Variants in HSPB8 observed in about 807,000 individuals in gnomAD.
The protein encoded by HSPB8 is heat shock protein beta-8.
Under a neutral mutation model 16.5 loss-of-function variants are expected in HSPB8, and 9 were observed. That is an observed-to-expected ratio of 0.55 (90% CI 0.33 to 0.95). The LOEUF (loss-of-function observed/expected upper bound fraction) is 0.95, where lower values mean the gene tolerates loss of function less well. HSPB8 is among the 40% of genes least tolerant of loss of function. The probability of loss-of-function intolerance (pLI) is 0.03; values close to 1 mark genes in which losing one functional copy is unlikely to be tolerated. For missense variants in HSPB8, 238 were observed against 251.2 expected, an observed-to-expected ratio of 0.95 and a Z score of 0.35; for synonymous variants, 99 against 94.8, an observed-to-expected ratio of 1.04 and a Z score of -0.26.
At chr12:119,183,517 A>G (rs1184883037) in intron 1 of HSPB8, among the ~76,000 whole-genome samples, 1 of 152,234 alleles carries the variant, frequency 6.6e-6, no homozygotes, top group Non-Finnish European at 1.5e-5. Flanking sequence ...GGCATGTTGA[A>G]AAAAGCATGT....
chr12:119,190,858 T>C (rs1954708160), intron 2 of HSPB8, among the ~76,000 whole-genome samples: 1 of 152,214 alleles, frequency 6.6e-6, no homozygotes, highest in Non-Finnish European at 1.5e-5. Flanking sequence ...GTTAAAGGCA[T>C]GTTAGTACTT....
chr12:119,192,138 C>A (rs1954716331), intron 2 of HSPB8, among the ~76,000 whole-genome samples: 1 of 152,214 alleles, frequency 6.6e-6, no homozygotes, highest in Non-Finnish European at 1.5e-5. Flanking sequence ...TCAATAGTCT[C>A]ATTCACCCAA....
In HSPB8 at chr12:119,194,562, T is replaced by G. The variant is rs1954733296; in HGVS notation, c.*704T>G. 6.2e-6 allele frequency: 1 copy of G among 161,938 alleles called. No individual in the cohort carries two copies. Among genetic ancestry groups the G allele is most frequent in the Non-Finnish European group, 1.3e-5 (1 of 75,428 alleles). The allele number at this position is 161,938 out of a possible 1,614,324, so 10.0% of individuals were successfully genotyped here. ...AAGTCGGGATTTTTACAGAGGGAGC[T>G]GTCTCCAGACAGCTCCATCAGGAAC... On this transcript the variant is annotated 3_prime_UTR_variant, in exon 3 of 3. Transcript: ENST00000281938.
At chr12:119,186,345 G>A (rs902230488) in intron 1 of HSPB8, among the ~76,000 whole-genome samples, 1 of 152,164 alleles carries the variant, frequency 6.6e-6, no homozygotes, top group East Asian at 1.9e-4. Flanking sequence ...TACAGATAAT[G>A]TGGCTTAAAG....
At chr12:119,191,804 A>G (rs1294700368) in intron 2 of HSPB8, among the ~76,000 whole-genome samples, 2 of 152,138 alleles carry the variant, frequency 1.3e-5, no homozygotes, top group African/African-American at 4.8e-5. Context: ...GGGAGGCAGG[A>G]GAGCATCATG....
At chr12:119,188,210 C>T (rs1010308324) in intron 2 of HSPB8, among the ~76,000 whole-genome samples, 1 of 150,136 alleles carries the variant, frequency 6.7e-6, no homozygotes, top group Non-Finnish European at 1.5e-5. Flanking sequence ...CCACTATGTG[C>T]GTTTCTGGCC....
chr12:119,193,878 C>T lies in HSPB8; in HGVS notation c.*20C>T, dbSNP rs757053117. Reference sequence around the variant, plus strand: ...ACCTGAGATGCCAGTACTGGCCCATCCTTGTTTTGTCCCCAACCCTAGGGC... The same window carrying T: ...ACCTGAGATGCCAGTACTGGCCCATTCTTGTTTTGTCCCCAACCCTAGGGC... On this transcript the variant is annotated 3_prime_UTR_variant, in exon 3 of 3. Transcript: ENST00000281938. 2.4e-5 allele frequency: 38 copies of T among 1,613,548 alleles called. No homozygotes were observed. The highest frequency in any genetic ancestry group is 3.2e-5 in the Non-Finnish European group (38 of 1,179,606).
At chr12:119,186,649 C>T (rs956029313) in intron 1 of HSPB8, among the ~76,000 whole-genome samples, 2 of 152,180 alleles carry the variant, frequency 1.3e-5, no homozygotes, top group Admixed American at 6.5e-5. Flanking sequence ...ATGTCAGACC[C>T]AGGGTTCTAC....
chr12:119,184,296 T>C (rs1954658789), intron 1 of HSPB8, among the ~76,000 whole-genome samples: 1 of 152,186 alleles, frequency 6.6e-6, no homozygotes, highest in African/African-American at 2.4e-5. Context: ...ATTAAAGGAG[T>C]TGATACAGAT....
At chr12:119,181,946 C>T (rs1954640749) in intron 1 of HSPB8, 1 of 152,204 alleles carries the variant, frequency 6.6e-6, no homozygotes, top group Admixed American at 6.5e-5. Flanking sequence ...TATCACCATT[C>T]CTTCTGTCCT....
At chr12:119,191,612 C>T (rs1954712868) in intron 2 of HSPB8, among the ~76,000 whole-genome samples, 1 of 128,666 alleles carries the variant, frequency 7.8e-6, no homozygotes, top group South Asian at 2.3e-4. Context: ...AAAAAAAAAA[C>T]TCCCCAGCCC....
intron 1 of HSPB8, chr12:119,182,177 C>T (rs971964600): frequency 1.3e-5 from 2 of 152,164 alleles, no homozygotes; most frequent in Non-Finnish European, 1.5e-5. Flanking sequence ...TCAATTTCCA[C>T]GTCTGTAAAA....
rs1446288467 is a variant in HSPB8, at chr12:119,193,713, T to C, written c.446T>C (p.Val149Ala). 6.2e-7 allele frequency: 1 copy of C among 1,614,170 alleles called. No individual in the cohort carries two copies. Among genetic ancestry groups the C allele is most frequent in the Non-Finnish European group, 8.5e-7 (1 of 1,180,024 alleles). Residue 149 changes from valine to alanine, a missense_variant, in exon 3 of 3, where the codon GTG becomes GCG. Physicochemically the swap from Val to Ala is moderately conservative, Grantham distance 64. Transcript: ENST00000281938. ...GTTTCTCCTAGGCTTCCTGCAGAGG[T>C]GGATCCTGTGACAGTATTTGCCTCA... ...FTKKIQLPAE[V>A]DPVTVFASLS...
chr12:119,191,761 G>A (rs1954713864), intron 2 of HSPB8, among the ~76,000 whole-genome samples: 1 of 152,196 alleles, frequency 6.6e-6, no homozygotes, highest in Admixed American at 6.5e-5. Flanking sequence ...GGTCCTTCCT[G>A]CCATAGTCCT....
chr12:119,190,211 C>T (rs1316713027), intron 2 of HSPB8, among the ~76,000 whole-genome samples: 1 of 152,196 alleles, frequency 6.6e-6, no homozygotes, highest in Non-Finnish European at 1.5e-5. Context: ...GCAGCTGGGA[C>T]TCCTGGGAGC....
chr12:119,189,690 G>C (rs965905836), intron 2 of HSPB8, among the ~76,000 whole-genome samples: 2 of 152,174 alleles, frequency 1.3e-5, no homozygotes, highest in African/African-American at 4.8e-5. Flanking sequence ...AGTAATGCTG[G>C]CTGAACTGCT....
chr12:119,179,446 C>T lies in HSPB8; in HGVS notation c.134C>T (p.Thr45Ile), dbSNP rs1249375553. The change falls in exon 1 of 3, where the codon ACA becomes ATA. Residue 45 changes from threonine (T) to isoleucine (I), a missense_variant. By Grantham distance (89) the Thr-to-Ile change is moderately conservative. Transcript: ENST00000281938. ...FGMDPFPDDL[T>I]ASWPDWALPR... ...ATGGACCCCTTCCCAGACGACTTGA[C>T]AGCCTCTTGGCCCGACTGGGCTCTG... is the stretch of plus-strand genomic sequence containing the variant. The T allele has an allele frequency of 6.2e-7, 1 of 1,614,146 alleles. No homozygotes were observed. The highest frequency in any genetic ancestry group is 1.7e-5 in the Admixed American group (1 of 60,034).
intron 1 of HSPB8, among the ~76,000 whole-genome samples, chr12:119,180,742 C>T (rs1459437327): frequency 6.6e-6 from 1 of 152,164 alleles, no homozygotes; most frequent in Non-Finnish European, 1.5e-5. Flanking sequence ...ATTAACACTC[C>T]ATTAAAAAGA....
chr12:119,183,628 A>G (rs989813957), intron 1 of HSPB8, among the ~76,000 whole-genome samples: 1 of 152,218 alleles, frequency 6.6e-6, no homozygotes, highest in African/African-American at 2.4e-5. Flanking sequence ...TTCATGATAA[A>G]ATATGTAGTT....
Sources: allele counts gnomAD v4.1 joint callset (sites outside exome capture counted in the v4.1 genomes callset), GRCh38; gene constraint gnomAD v4.1.1; transcripts MANE v1.5; gene names NCBI Gene and HGNC (gene_info 2026-07-23, HGNC 2026-07-21).